Variants in NUMA1 observed in about 807,000 individuals in gnomAD.
NUMA1 encodes the protein SP-H antigen.
A neutral mutation model predicts 237.1 loss-of-function variants in NUMA1; 62 were observed. The ratio of observed to expected loss-of-function variants is 0.26; its 90% CI spans 0.21 to 0.32. NUMA1 has a LOEUF of 0.32. NUMA1 is among the 10% of genes least tolerant of loss of function. NUMA1 has a pLI of 1.00. For missense variants in NUMA1, 2,533 were observed against 2,666.5 expected, an observed-to-expected ratio of 0.95 and a Z score of 1.10; for synonymous variants, 1,028 against 1,066.1, an observed-to-expected ratio of 0.96 and a Z score of 0.70.
At chr11:72,021,894 G>A (rs1367920029) in intron 7 of NUMA1, among the ~76,000 whole-genome samples, 2 of 152,118 alleles carry the variant, frequency 1.3e-5, no homozygotes, top group Non-Finnish European at 2.9e-5. Flanking sequence ...GACTATAGGC[G>A]TGAGCCACCA....
Position 72,003,489 on chromosome 11 carries a change from C to T in NUMA1, c.*38G>A, listed in dbSNP as rs1294064500. 10 of 1,609,120 alleles carry T rather than the reference C, an allele frequency of 6.2e-6. No homozygotes were observed. The South Asian group carries it at 7.7e-5, about 12-fold the overall frequency. ...GCGGAGGACCAGGTGAGGTCAGCATCGGGGACACAGGTGGGGCCACTCACT... is the reference window on the plus strand; with the variant it reads ...GCGGAGGACCAGGTGAGGTCAGCATTGGGGACACAGGTGGGGCCACTCACT... On this transcript the variant is annotated 3_prime_UTR_variant, in exon 27 of 27. Coordinates refer to ENST00000393695, the MANE Select transcript of NUMA1 (RefSeq NM_006185.4).
chr11:72,040,493 CACACACACACACACACACTG>C (rs1294404208), intron 2 of NUMA1: 82 of 137,744 alleles, frequency 6.0e-4, no homozygotes, highest in Middle Eastern at 3.6e-3. Context: ...CACACACACA[CACACACACACACACACACTG>C]ACCTGGGCCC....
At position 72,013,720 on chromosome 11, in the gene NUMA1, C is replaced by T. The variant is rs771313690; in HGVS notation, c.3783G>A (p.Lys1261=). The T allele has an allele frequency of 6.2e-7, 1 of 1,609,824 alleles. No individual in the cohort carries two copies. The highest frequency in any genetic ancestry group is 1.1e-5 in the South Asian group (1 of 91,086). Residue 1261 remains lysine, a synonymous_variant, in exon 15 of 27, where the codon AAG becomes AAA. Coordinates refer to ENST00000393695, the MANE Select transcript of NUMA1 (RefSeq NM_006185.4). This position sits in a 1 kb window ranked among gnomAD's most constrained non-coding sequence, Gnocchi z 6.8. ...LKRLVMAESE[K]SQKLEERLRL... ...GCAGCCTCTCCTCCAGCTTCTGGCT[C>T]TTCTCTGACTCGGCCATCACCAGCC... is the stretch of plus-strand genomic sequence containing the variant.
chr11:72,055,136 G>C (rs544131177), intron 2 of NUMA1, among the ~76,000 whole-genome samples: 4 of 152,012 alleles, frequency 2.6e-5, no homozygotes, highest in Non-Finnish European at 5.9e-5. Context: ...AATAGATTTG[G>C]GGATCATCAT....
At chr11:72,018,540 G>T in intron 10 of NUMA1, 27 bp from the exon 11 acceptor site, 1 of 1,585,386 alleles carries the variant, frequency 6.3e-7, no homozygotes, top group Non-Finnish European at 8.7e-7. Context: ...GAGGAGGAGA[G>T]GAGAATCAGA....
At chr11:72,075,598 C>T (rs960637795) in intron 1 of NUMA1, among the ~76,000 whole-genome samples, 9 of 152,216 alleles carry the variant, frequency 5.9e-5, no homozygotes, top group Admixed American at 4.6e-4. Flanking sequence ...GTAGCCCCAA[C>T]CTTCCTCCCT....
At chr11:72,021,798 G>A (rs1005034924) in intron 7 of NUMA1, among the ~76,000 whole-genome samples, 3 of 151,922 alleles carry the variant, frequency 2.0e-5, no homozygotes, top group Admixed American at 6.6e-5. Flanking sequence ...ATTTTTTGTT[G>A]AGACAGGGTC....
chr11:72,007,540 G>T, intron 20 of NUMA1, 105 bp from the exon 21 acceptor site: 1 of 1,390,106 alleles, frequency 7.2e-7, no homozygotes, highest in South Asian at 1.3e-5. Flanking sequence ...AAGCAGATGA[G>T]GTCAAGCAGC....
At chr11:72,033,364 G>GTTTTTTTTT (rs58353057) in intron 3 of NUMA1, among the ~76,000 whole-genome samples, 3 of 144,672 alleles carry the variant, frequency 2.1e-5, no homozygotes, top group South Asian at 2.2e-4. Context: ...CATGTTCTTT[G>GTTTTTTTTT]TTTTTTTTTT....
intron 2 of NUMA1, among the ~76,000 whole-genome samples, chr11:72,044,104 T>TAG (rs2135920989): frequency 6.6e-6 from 1 of 152,188 alleles, no homozygotes; most frequent in East Asian, 1.9e-4. Flanking sequence ...CACCCAACTT[T>TAG]AGAGAGGAGG....
At chr11:72,059,355 C>G (rs1421844921) in intron 2 of NUMA1, among the ~76,000 whole-genome samples, 1 of 152,168 alleles carries the variant, frequency 6.6e-6, no homozygotes, top group Non-Finnish European at 1.5e-5. Context: ...TGGCTCACTG[C>G]AACCTCAACC....
chr11:72,056,771 G>A (rs1012971370), intron 2 of NUMA1, among the ~76,000 whole-genome samples: 3 of 151,212 alleles, frequency 2.0e-5, no homozygotes, highest in African/African-American at 7.3e-5. Flanking sequence ...AGTTATATAA[G>A]GATGTACAAA....
intron 1 of NUMA1, among the ~76,000 whole-genome samples, chr11:72,074,019 C>T (rs538928639): frequency 6.6e-6 from 1 of 151,606 alleles, no homozygotes; most frequent in African/African-American, 2.4e-5. Flanking sequence ...TGGGGAAACC[C>T]GTCTCTACTA....
intron 2 of NUMA1, among the ~76,000 whole-genome samples, chr11:72,061,720 G>A (rs148441975): frequency 1.3e-4 from 19 of 151,812 alleles, no homozygotes; most frequent in African/African-American, 3.6e-4. Flanking sequence ...CAAACTCCTG[G>A]GCTCAAGTAA....
At chr11:72,038,228 A>C (rs1460154055) in intron 2 of NUMA1, among the ~76,000 whole-genome samples, 1 of 152,128 alleles carries the variant, frequency 6.6e-6, no homozygotes, top group African/African-American at 2.4e-5. Context: ...TGCTACTAAA[A>C]ATGTCCTGAG....
At position 72,002,878 on chromosome 11, in the gene NUMA1, T is replaced by TA. The variant is rs1955353641; in HGVS notation, c.*648dup. 4.5e-6 allele frequency: 1 copy of TA among 220,916 alleles called. No homozygotes were observed. The highest frequency in any genetic ancestry group is 9.1e-6 in the Non-Finnish European group (1 of 110,206). The allele number at this position is 220,916 out of a possible 1,614,324, so 13.7% of individuals were successfully genotyped here. A position where few individuals can be genotyped will look rare whatever the true frequency, so the allele number is the denominator to read the frequency against. On this transcript the variant is annotated 3_prime_UTR_variant, in exon 27 of 27. Coordinates refer to ENST00000393695, the MANE Select transcript of NUMA1 (RefSeq NM_006185.4). ...CAACTCAGTACTCACGGGAGAAAAA[T>TA]AGACTTTATTTACAAGTAATAACAT...
chr11:72,046,158 TCA>T (rs1437547208), intron 2 of NUMA1, among the ~76,000 whole-genome samples: 16 of 152,214 alleles, frequency 1.1e-4, no homozygotes, highest in African/African-American at 3.9e-4. Flanking sequence ...ACAGCCCCTC[TCA>T]CAGCCTAGAC....
In NUMA1 at chr11:72,019,421, C is replaced by A. The variant is rs181110093; in HGVS notation, c.584+73G>T. ...TCCCAGAGGCTGGTTAACATCTTAA[C>A]TCTAGAAGTTAGGAATGTGAGGAAT... On this transcript the variant is annotated intron_variant, in intron 9 of 26. Coordinates refer to ENST00000393695, the MANE Select transcript of NUMA1 (RefSeq NM_006185.4). 8,644 of 1,578,158 alleles carry A rather than the reference C, an allele frequency of 5.5e-3. 39 individuals carry two copies. Among genetic ancestry groups the A allele is most frequent in the Non-Finnish European group, 6.6e-3 (7,616 of 1,157,770 alleles).
At chr11:72,022,463 C>T (rs1345288272) in intron 6 of NUMA1, 44 bp from the exon 7 acceptor site, 1 of 1,350,566 alleles carries the variant, frequency 7.4e-7, no homozygotes, top group Non-Finnish European at 1.1e-6. Context: ...GGCTGTCTCT[C>T]TTCTCAGTGC....
Sources: gnomAD v4.1 joint callset for allele counts (sites outside exome capture counted in the v4.1 genomes callset) on GRCh38, gnomAD v4.1.1 for gene constraint, Gnocchi (gnomAD v3.1) non-coding constraint, MANE v1.5 for transcripts, NCBI Gene and HGNC (gene_info 2026-07-23, HGNC 2026-07-21) for gene names.